The following ZNF813 variants were observed in gnomAD, a reference collection of about 807,000 sequenced individuals.
ZNF813 encodes the protein zinc finger protein 813.
ZNF813 carries 3 observed loss-of-function variants against 7.2 expected under a neutral mutation model. The observed-to-expected ratio is 0.42, with a 90% CI of 0.19 to 1.08. The LOEUF is 1.08. ZNF813 is among the 50% of genes least tolerant of loss of function. ZNF813 has a pLI of 0.30. For missense variants in ZNF813, 714 were observed against 753.3 expected, an observed-to-expected ratio of 0.95 and a Z score of 0.61; for synonymous variants, 227 against 256.3, an observed-to-expected ratio of 0.89 and a Z score of 1.09.
In ZNF813 at chr19:53,472,607, C is replaced by CTTTTTTTTTTT. The variant is rs200658542; in HGVS notation, c.-74+4821_-74+4822insTTTTTTTTTTT. ...AGATGGTCTGATTATAAGTACAAGT[C>CTTTTTTTTTTT]TTTCTTTTTTTTTTTTTTTTTTGAG... On this transcript the variant is annotated intron_variant, in intron 1 of 3. Coordinates refer to ENST00000396403, the MANE Select transcript of ZNF813 (RefSeq NM_001004301.4). Among the ~76,000 whole-genome samples, 98 of 136,454 alleles carry CTTTTTTTTTTT rather than the reference C, an allele frequency of 7.2e-4. 5 individuals carry two copies. The highest frequency in any genetic ancestry group is 1.5e-3 in the African/African-American group (54 of 36,126). 89.5% of individuals were successfully genotyped at this position (136,454 alleles called of 152,430 possible). A position where few individuals can be genotyped will look rare whatever the true frequency, so the allele number is the denominator to read the frequency against.
rs1307289259 is a variant in ZNF813, at chr19:53,492,500, C to G, written c.*414C>G. The stretch of plus-strand genomic sequence containing the variant: ...TGACAAGGCTTTCGGGCATGACTCA[C>G]ACCTGGCACAACATCCTAGAATTTA... On this transcript the variant is annotated 3_prime_UTR_variant, in exon 4 of 4. Transcript: ENST00000396403. 1 of 460,974 alleles carries G rather than the reference C, an allele frequency of 2.2e-6. No individual in the cohort carries two copies. Among genetic ancestry groups the G allele is most frequent in the Non-Finnish European group, 4.3e-6 (1 of 235,104 alleles). The allele number at this position is 460,974 out of a possible 1,614,324, so 28.6% of individuals were successfully genotyped here.
chr19:53,471,809 C>CAAAAA (rs57761931), intron 1 of ZNF813, among the ~76,000 whole-genome samples: 4,532 of 120,902 alleles, frequency 0.037, 166 homozygotes, highest in East Asian at 0.14. Flanking sequence ...GAGACTGTCT[C>CAAAAA]AAAAAAAAAA....
chr19:53,485,654 A>G (rs1214049428), intron 2 of ZNF813, among the ~76,000 whole-genome samples: 1 of 150,936 alleles, frequency 6.6e-6, no homozygotes, highest in Non-Finnish European at 1.5e-5. Context: ...ATGTCATGAC[A>G]TATATACACA....
At chr19:53,477,331 C>T (rs2086386656) in intron 1 of ZNF813, among the ~76,000 whole-genome samples, 1 of 152,056 alleles carries the variant, frequency 6.6e-6, no homozygotes, top group Admixed American at 6.6e-5. Context: ...TGCAGATGCC[C>T]TGTATGGATT....
chr19:53,468,266 T>C (rs1361481856), intron 1 of ZNF813, among the ~76,000 whole-genome samples: 1 of 125,492 alleles, frequency 8.0e-6, no homozygotes, highest in African/African-American at 3.0e-5. Context: ...TGCTGCTTCC[T>C]AGGTCTCCCC....
chr19:53,492,400 T>G lies in ZNF813; in HGVS notation c.*314T>G, dbSNP rs139588510. On this transcript the variant is annotated 3_prime_UTR_variant, in exon 4 of 4. Coordinates refer to ENST00000396403, the MANE Select transcript of ZNF813 (RefSeq NM_001004301.4). ...CAAAGGTGAAGAATATCACAGAGTT[T>G]TCAGTCACAAGTCAAACCTTGAAAG... is the stretch of plus-strand genomic sequence containing the variant. 1.1e-3 allele frequency: 524 copies of G among 483,864 alleles called. 3 individuals are homozygous for G. Among genetic ancestry groups the G allele is most frequent in the African/African-American group, 9.5e-3 (488 of 51,184 alleles). The allele number at this position is 483,864 out of a possible 1,614,324, so 30.0% of individuals were successfully genotyped here. A position where few individuals can be genotyped will look rare whatever the true frequency, so the allele number is the denominator to read the frequency against.
chr19:53,482,286 T>G (rs1406753006), intron 1 of ZNF813, among the ~76,000 whole-genome samples: 3 of 152,132 alleles, frequency 2.0e-5, no homozygotes, highest in Non-Finnish European at 4.4e-5. Flanking sequence ...TATGAGGACA[T>G]CACAGCAAAA....
chr19:53,493,514 C>A lies in ZNF813; in HGVS notation c.*1428C>A. 2 of 151,450 alleles carry A rather than the reference C, an allele frequency of 1.3e-5. No homozygotes were observed. Among genetic ancestry groups the A allele is most frequent in the Middle Eastern group, 6.8e-3 (2 of 294 alleles). The allele number at this position is 151,450 out of a possible 1,614,324, so 9.4% of individuals were successfully genotyped here. ...TTGTTTATTGTTACAAACTTCTCAT[C>A]TTTTTGCTTTTATTCCTAAGTATTT... On this transcript the variant is annotated 3_prime_UTR_variant, in exon 4 of 4. Coordinates refer to ENST00000396403, the MANE Select transcript of ZNF813 (RefSeq NM_001004301.4).
chr19:53,468,828 A>G (rs1192424773), intron 1 of ZNF813, among the ~76,000 whole-genome samples: 1 of 152,184 alleles, frequency 6.6e-6, no homozygotes, highest in Non-Finnish European at 1.5e-5. Context: ...AGGGACCAGC[A>G]GGAGACAGAA....
chr19:53,474,467 T>C (rs934217828), intron 1 of ZNF813, among the ~76,000 whole-genome samples: 2 of 151,996 alleles, frequency 1.3e-5, no homozygotes, highest in African/African-American at 4.8e-5. Context: ...GGTGGGCAGA[T>C]CATGAGGTCC....
Position 53,493,853 on chromosome 19 carries a change from TC to T in ZNF813, c.*1769del, listed in dbSNP as rs2086474890. Reference sequence around the variant, plus strand: ...TGAATAGAAGGGGTGAGAGCATTCTTCCATCATGTGAGATCCTACAGGAAAA... The same window carrying T: ...TGAATAGAAGGGGTGAGAGCATTCTTCATCATGTGAGATCCTACAGGAAAA... On this transcript the variant is annotated 3_prime_UTR_variant, in exon 4 of 4. Coordinates refer to ENST00000396403, the MANE Select transcript of ZNF813 (RefSeq NM_001004301.4). 6.6e-6 allele frequency: 1 copy of T among 152,322 alleles called. No individual in the cohort carries two copies. The highest frequency in any genetic ancestry group is 2.4e-5 in the African/African-American group (1 of 41,470). 9.4% of individuals were successfully genotyped at this position (152,322 alleles called of 1,614,324 possible).
At chr19:53,469,815 G>A (rs1302554945) in intron 1 of ZNF813, among the ~76,000 whole-genome samples, 7 of 142,560 alleles carry the variant, frequency 4.9e-5, no homozygotes, top group Non-Finnish European at 9.3e-5. Context: ...GGGTATAACA[G>A]GGAAGAGAGA....
At chr19:53,485,095 A>G (rs1278385902) in intron 2 of ZNF813, among the ~76,000 whole-genome samples, 2 of 152,112 alleles carry the variant, frequency 1.3e-5, no homozygotes, top group Non-Finnish European at 2.9e-5. Context: ...CTGCATCACT[A>G]TGAGACTTAA....
intron 1 of ZNF813, among the ~76,000 whole-genome samples, chr19:53,482,975 C>T (rs4803135): frequency 0.71 from 108,227 of 151,566 alleles, 38,703 homozygotes; most frequent in Admixed American, 0.77. Context: ...TGCAGTGGCA[C>T]GATCTTGGCT....
In ZNF813 at chr19:53,495,771, A is replaced by C. The variant is rs1361578778; in HGVS notation, c.*3685A>C. On this transcript the variant is annotated 3_prime_UTR_variant, in exon 4 of 4. Coordinates refer to ENST00000396403, the MANE Select transcript of ZNF813 (RefSeq NM_001004301.4). ...GGTTGCAGTGAGCCAAGATGGGGGC[A>C]ATAAGAGCAAAACTTTGTCTCAAAA... 1 of 152,800 alleles carries C rather than the reference A, an allele frequency of 6.5e-6. No individual in the cohort carries two copies. Among genetic ancestry groups the C allele is most frequent in the Non-Finnish European group, 1.5e-5 (1 of 68,858 alleles). 9.5% of individuals were successfully genotyped at this position (152,800 alleles called of 1,614,324 possible). A position where few individuals can be genotyped will look rare whatever the true frequency, so the allele number is the denominator to read the frequency against.
chr19:53,487,707 A>G (rs187039928), intron 3 of ZNF813, among the ~76,000 whole-genome samples: 1 of 151,376 alleles, frequency 6.6e-6, no homozygotes, highest in East Asian at 2.0e-4. Context: ...CTAAGGCAGG[A>G]GAGTCGCTTG....
At chr19:53,477,060 A>G (rs1346971782) in intron 1 of ZNF813, among the ~76,000 whole-genome samples, 3 of 152,200 alleles carry the variant, frequency 2.0e-5, no homozygotes, top group Non-Finnish European at 4.4e-5. Flanking sequence ...AACTGGTGCC[A>G]GACAGATATA....
At chr19:53,469,746 G>T (rs981943896) in intron 1 of ZNF813, among the ~76,000 whole-genome samples, 2 of 146,376 alleles carry the variant, frequency 1.4e-5, no homozygotes, top group Non-Finnish European at 3.0e-5. Context: ...CAAGAACAGA[G>T]GGAGAAGCAC....
chr19:53,476,243 C>T (rs1396761242), intron 1 of ZNF813, among the ~76,000 whole-genome samples: 8 of 152,124 alleles, frequency 5.3e-5, no homozygotes, highest in Non-Finnish European at 8.8e-5. Context: ...AGATTGGGGC[C>T]GGCAAAAGAA....
Sources: gnomAD v4.1 joint callset for allele counts (sites outside exome capture counted in the v4.1 genomes callset) on GRCh38, gnomAD v4.1.1 for gene constraint, MANE v1.5 for transcripts, NCBI Gene and HGNC (gene_info 2026-07-23, HGNC 2026-07-21) for gene names.